CFAP54: variants seen among roughly 807,000 people sequenced by gnomAD.
The protein encoded by CFAP54 is cilia- and flagella-associated protein 54.
Under a neutral mutation model 370.4 loss-of-function variants are expected in CFAP54, and 290 were observed. The observed-to-expected ratio is 0.78, with a 90% confidence interval of 0.71 to 0.86. The LOEUF (loss-of-function observed/expected upper bound fraction) is 0.86. Among genes scored for constraint, CFAP54 ranks in the 40% least tolerant of loss-of-function variants. CFAP54 has a pLI of 0.00. For synonymous variants in CFAP54, 1,206 were observed against 1,236.5 expected (o/e 0.98, Z 0.52); for missense variants, 3,399 against 3,528.7 (o/e 0.96, Z 0.93).
intron 32 of CFAP54, among the ~76,000 whole-genome samples, chr12:96,633,052 T>C (rs1200245493): frequency 6.6e-6 from 1 of 152,150 alleles, no homozygotes; most frequent in African/African-American, 2.4e-5. Flanking sequence ...GTATAGTTGA[T>C]TTTTTTGCGT....
intron 4 of CFAP54, among the ~76,000 whole-genome samples, chr12:96,510,004 A>T (rs1325199154): frequency 6.6e-6 from 1 of 152,042 alleles, no homozygotes; most frequent in Non-Finnish European, 1.5e-5. Context: ...CAGGCCCGGC[A>T]TGGTGGCTCA....
chr12:96,684,397 T>A (rs993464927), intron 40 of CFAP54, among the ~76,000 whole-genome samples: 1 of 152,200 alleles, frequency 6.6e-6, no homozygotes, highest in African/African-American at 2.4e-5. Context: ...TCTACCTGTC[T>A]GAGTTTTATT....
chr12:96,513,034 A>AG lies in CFAP54; in HGVS notation c.789dup (p.Ser264ValfsTer43). ...TGCAGAAAACTGATGGTCATAGGTC[A>AG]GTCTTCCAAGGTATGAAATGTACTG... On this transcript the variant is annotated frameshift_variant, in exon 5 of 68. Transcript: ENST00000524981. LOFTEE classifies it high-confidence loss of function. The AG allele has an allele frequency of 6.6e-7, 1 of 1,512,924 alleles. No homozygotes were observed. The highest frequency in any genetic ancestry group is 1.3e-5 in the South Asian group (1 of 79,374). The allele number at this position is 1,512,924 out of a possible 1,614,324, so 93.7% of individuals were successfully genotyped here.
At chr12:96,591,889 T>TAA (rs1428603937) in intron 23 of CFAP54, among the ~76,000 whole-genome samples, 1 of 125,536 alleles carries the variant, frequency 8.0e-6, no homozygotes, top group African/African-American at 3.0e-5. Flanking sequence ...AAACTCCGTC[T>TAA]CAAAAAAAAA....
chr12:96,743,297 C>T, intron 52 of CFAP54, 105 bp from the exon 53 acceptor site: 1 of 1,113,068 alleles, frequency 9.0e-7, no homozygotes, highest in Non-Finnish European at 1.3e-6. Context: ...CTCCCCTGTT[C>T]TTTGATATTA....
intron 31 of CFAP54, 70 bp downstream of exon 31, chr12:96,630,274 C>T: frequency 1.3e-6 from 1 of 799,714 alleles, no homozygotes; most frequent in Non-Finnish European, 1.9e-6. Flanking sequence ...AGATGATTGG[C>T]TACATTTAAA....
intron 67 of CFAP54, among the ~76,000 whole-genome samples, chr12:96,866,053 A>G (rs1592821837): frequency 6.6e-6 from 1 of 152,136 alleles, no homozygotes; most frequent in East Asian, 1.9e-4. Flanking sequence ...AGATATATGC[A>G]GAACTTTTTA....
intron 26 of CFAP54, among the ~76,000 whole-genome samples, chr12:96,603,230 G>A (rs1038987866): frequency 6.6e-5 from 10 of 152,150 alleles, no homozygotes; most frequent in Non-Finnish European, 1.3e-4. Flanking sequence ...AGTTTGGCTG[G>A]ATATGAAATT....
intron 35 of CFAP54, among the ~76,000 whole-genome samples, chr12:96,650,758 A>G (rs1956849868): frequency 6.6e-6 from 1 of 152,130 alleles, no homozygotes; most frequent in African/African-American, 2.4e-5. Context: ...TGCCCCATGG[A>G]GTGGACAGAG....
intron 14 of CFAP54, among the ~76,000 whole-genome samples, chr12:96,541,662 T>G (rs1955574686): frequency 6.6e-6 from 1 of 152,136 alleles, no homozygotes; most frequent in African/African-American, 2.4e-5. Flanking sequence ...GAAGGAAGAC[T>G]ATGTTTTGGA....
chr12:96,547,476 G>T (rs1005595398), intron 14 of CFAP54, among the ~76,000 whole-genome samples: 1 of 152,060 alleles, frequency 6.6e-6, no homozygotes, highest in Non-Finnish European at 1.5e-5. Flanking sequence ...GTAAGCCACC[G>T]CACCTGGCCT....
Position 96,845,055 on chromosome 12 carries a change from A to AT in CFAP54, c.9172-15759dup, listed in dbSNP as rs150903079. ...ATATTTAAGTTTACAGGAAGATATT[A>AT]TTTTTGAATCTAATTTTTACTCCTC... On this transcript the variant is annotated intron_variant, in intron 66 of 67. Transcript: ENST00000524981. 4.5e-3 allele frequency among the ~76,000 whole-genome samples: 687 copies of AT among 152,320 alleles called. 3 individuals carry two copies. The highest frequency in any genetic ancestry group is 0.016 in the African/African-American group (657 of 41,578).
intron 26 of CFAP54, among the ~76,000 whole-genome samples, chr12:96,598,968 A>G (rs1956209294): frequency 6.6e-6 from 1 of 152,004 alleles, no homozygotes; most frequent in African/African-American, 2.4e-5. Context: ...TGCTTCACAA[A>G]CTAAAACTTG....
At chr12:96,816,245 G>C (rs1565988588) in intron 64 of CFAP54, among the ~76,000 whole-genome samples, 1 of 152,134 alleles carries the variant, frequency 6.6e-6, no homozygotes, top group African/African-American at 2.4e-5. Context: ...TCCTTGAGCA[G>C]TGGTTTGTAG....
intron 38 of CFAP54, among the ~76,000 whole-genome samples, chr12:96,661,104 C>T (rs961745840): frequency 6.6e-6 from 1 of 152,026 alleles, no homozygotes; most frequent in African/African-American, 2.4e-5. Flanking sequence ...ATTATGGAAG[C>T]ATAATTGATT....
chr12:96,592,364 G>C (rs970833555), intron 23 of CFAP54, 126 bp from the exon 24 acceptor site: 2 of 347,854 alleles, frequency 5.7e-6, no homozygotes, highest in African/African-American at 4.2e-5. Context: ...AAGAATAGCT[G>C]TTCTAAATAC....
chr12:96,579,862 A>G (rs754260815), intron 20 of CFAP54, among the ~76,000 whole-genome samples: 1 of 151,928 alleles, frequency 6.6e-6, no homozygotes, highest in Admixed American at 6.6e-5. Flanking sequence ...TGTTTGATTT[A>G]TGTCTAATGT....
At chr12:96,772,705 T>C (rs1958475841) in intron 60 of CFAP54, among the ~76,000 whole-genome samples, 1 of 151,820 alleles carries the variant, frequency 6.6e-6, no homozygotes, top group African/African-American at 2.4e-5. Flanking sequence ...CTGCAATCTC[T>C]GCTTCCTGAG....
intron 10 of CFAP54, 28 bp downstream of exon 10, chr12:96,534,001 T>G (rs1303200420): frequency 4.1e-5 from 17 of 419,538 alleles, no homozygotes; most frequent in Admixed American, 5.5e-5. Context: ...ATCCTCCTGG[T>G]TTTTTTTTTG....
Sources: gnomAD v4.1 joint callset for allele counts (sites outside exome capture counted in the v4.1 genomes callset) on GRCh38, gnomAD v4.1.1 for gene constraint, MANE v1.5 for transcripts, NCBI Gene and HGNC (gene_info 2026-07-23, HGNC 2026-07-21) for gene names.